The following TBC1D7 variants were observed in gnomAD, a reference collection of about 807,000 sequenced individuals.
The protein encoded by TBC1D7 is TBC1 domain family member 7.
Under a neutral mutation model 35.3 loss-of-function variants are expected in TBC1D7, and 33 were observed. The observed-to-expected ratio is 0.93, with a 90% CI of 0.71 to 1.25. The LOEUF is 1.25. Among genes scored for constraint, TBC1D7 ranks in the 50% most tolerant of loss-of-function variants. The probability of loss-of-function intolerance (pLI) is 0.00; values close to 1 mark genes in which losing one functional copy is unlikely to be tolerated. For synonymous variants in TBC1D7, 135 were observed against 129.5 expected, an observed-to-expected ratio of 1.04 and a Z score of -0.29; for missense variants, 362 against 365.3, an observed-to-expected ratio of 0.99 and a Z score of 0.07.
In TBC1D7 at chr6:13,316,730, T is replaced by C. The variant is rs757496431; in HGVS notation, c.382-22A>G. ...GCTCCTGAAAGATTAATAATAAATC[T>C]CAAGAGGAAGGCAGTGAAAGAGAGG... On this transcript the variant is annotated intron_variant, in intron 4 of 7. Transcript: ENST00000379300. 38 of 1,611,706 alleles carry C rather than the reference T, an allele frequency of 2.4e-5. No homozygotes were observed. In the South Asian group the frequency reaches 2.8e-4, roughly 12 times the overall value.
chr6:13,324,122 GTTTGTTT>G (rs1322402446), intron 3 of TBC1D7, among the ~76,000 whole-genome samples: 5 of 146,768 alleles, frequency 3.4e-5, no homozygotes, highest in Non-Finnish European at 6.1e-5. Flanking sequence ...GTTTTTTTTT[GTTTGTTT>G]TTTGTTTTTT....
chr6:13,308,441 TG>T (rs1782962046), intron 5 of TBC1D7, among the ~76,000 whole-genome samples: 1 of 123,286 alleles, frequency 8.1e-6, no homozygotes, highest in Admixed American at 9.1e-5. Flanking sequence ...GGATTCCACT[TG>T]GTAGCCTCTC....
chr6:13,308,324 C>T (rs376361470), intron 5 of TBC1D7, among the ~76,000 whole-genome samples: 1 of 152,330 alleles, frequency 6.6e-6, no homozygotes, highest in Admixed American at 6.5e-5. Flanking sequence ...CAGTGCCAAG[C>T]AGGCTCACAC....
chr6:13,307,399 G>A (rs946424150), intron 6 of TBC1D7: 5 of 545,912 alleles, frequency 9.2e-6, no homozygotes, highest in Middle Eastern at 4.9e-4. Context: ...AGCATCTAAC[G>A]CACTGAGGGC....
At chr6:13,325,260 A>C in intron 2 of TBC1D7, 86 bp from the exon 3 acceptor site, 1 of 962,236 alleles carries the variant, frequency 1.0e-6, no homozygotes, top group East Asian at 2.5e-5. Flanking sequence ...AAACTCAAAG[A>C]ATAGTTAAGA....
chr6:13,305,269 C>A, intron 7 of TBC1D7, 82 bp from the exon 8 acceptor site: 1 of 1,319,122 alleles, frequency 7.6e-7, no homozygotes, highest in South Asian at 1.2e-5. Context: ...GGCATGAAAT[C>A]CACTTCCATG....
intron 3 of TBC1D7, among the ~76,000 whole-genome samples, chr6:13,321,365 G>A (rs1367065167): frequency 1.3e-5 from 2 of 152,192 alleles, no homozygotes; most frequent in Non-Finnish European, 2.9e-5. Flanking sequence ...TAAGTATGCC[G>A]CATACATTCA....
At chr6:13,327,187 C>G (rs925552247) in intron 1 of TBC1D7, among the ~76,000 whole-genome samples, 1 of 152,088 alleles carries the variant, frequency 6.6e-6, no homozygotes, top group Admixed American at 6.6e-5. Flanking sequence ...CCCACTATAC[C>G]TATGAGTGCC....
chr6:13,325,932 A>C (rs886106390), intron 2 of TBC1D7, among the ~76,000 whole-genome samples: 6 of 152,206 alleles, frequency 3.9e-5, no homozygotes, highest in African/African-American at 1.2e-4. Context: ...GACTTCCCTG[A>C]CCCTCAATTC....
In TBC1D7 at chr6:13,325,169, C is replaced by G; in HGVS notation, c.118G>C (p.Glu40Gln). 6.2e-7 allele frequency: 1 copy of G among 1,612,030 alleles called. No homozygotes were observed. Among genetic ancestry groups the G allele is most frequent in the Non-Finnish European group, 8.5e-7 (1 of 1,178,294 alleles). ...ILLKDDRLDT[E>Q]KLCTFSQRFP... Reference sequence around the variant, plus strand: ...CTCTGACTAAAAGTACAAAGTTTCTCAGTATCTAGAGGAAGAAGAAAACAA... The same window carrying G: ...CTCTGACTAAAAGTACAAAGTTTCTGAGTATCTAGAGGAAGAAGAAAACAA... The change falls in exon 3 of 8, where the codon GAG becomes CAG. Residue 40 changes from glutamate (E) to glutamine (Q), a missense_variant. Transcript: ENST00000379300.
In TBC1D7 at chr6:13,305,097, G is replaced by A. The variant is rs771233051; in HGVS notation, c.*4C>T. ...GGCAGACGGTCCACAACCAGCGGGT[G>A]CGTTCAGCTTGAATGGACCGGGGTC... is the stretch of plus-strand genomic sequence containing the variant. On this transcript the variant is annotated 3_prime_UTR_variant, in exon 8 of 8. Transcript: ENST00000379300. 6.2e-6 allele frequency: 10 copies of A among 1,607,202 alleles called. No individual in the cohort carries two copies. The highest frequency in any genetic ancestry group is 8.5e-6 in the Non-Finnish European group (10 of 1,176,136).
In TBC1D7 at chr6:13,307,599, C is replaced by A; in HGVS notation, c.665+1G>T. 2.5e-6 allele frequency: 4 copies of A among 1,614,046 alleles called. No homozygotes were observed. The highest frequency in any genetic ancestry group is 3.4e-6 in the Non-Finnish European group (4 of 1,179,972). ...AATATGTCTTCGAAAGACCTACTTG[C>A]CTCTGTAAACTGGATTCAGGCAAAC... is the stretch of plus-strand genomic sequence containing the variant. On this transcript the variant is annotated splice_donor_variant, in intron 6 of 7. Coordinates refer to ENST00000379300, the MANE Select transcript of TBC1D7 (RefSeq NM_016495.6). LOFTEE classifies it high-confidence loss of function.
At chr6:13,319,437 T>A in intron 4 of TBC1D7, 1 of 128,254 alleles carries the variant, frequency 7.8e-6, no homozygotes, top group African/African-American at 3.0e-5. Flanking sequence ...TCCAGCCTGG[T>A]CAAAAAGAGA....
Position 13,305,077 on chromosome 6 carries a change from A to G in TBC1D7, c.*24T>C, listed in dbSNP as rs1396914422. The G allele has an allele frequency of 6.3e-7, 1 of 1,575,792 alleles. No homozygotes were observed. Among genetic ancestry groups the G allele is most frequent in the Non-Finnish European group, 8.6e-7 (1 of 1,157,094 alleles). ...CAATGCTCACTGTGGTGCCTGGCAG[A>G]CGGTCCACAACCAGCGGGTGCGTTC... On this transcript the variant is annotated 3_prime_UTR_variant, in exon 8 of 8. Coordinates refer to ENST00000379300, the MANE Select transcript of TBC1D7 (RefSeq NM_016495.6).
intron 2 of TBC1D7, 92 bp downstream of exon 2, chr6:13,326,695 C>A: frequency 1.4e-6 from 1 of 702,506 alleles, no homozygotes. Context: ...CAGCAAGTAA[C>A]CAATGCTTCT....
Position 13,311,526 on chromosome 6 carries a change from G to A in TBC1D7, c.520-3781C>T, listed in dbSNP as rs1417340777. Among the ~76,000 whole-genome samples the A allele has an allele frequency of 2.6e-5, 4 of 152,222 alleles. No homozygotes were observed. In the East Asian group the frequency reaches 7.7e-4, roughly 29 times the overall value. On this transcript the variant is annotated intron_variant, in intron 5 of 7. Coordinates refer to ENST00000379300, the MANE Select transcript of TBC1D7 (RefSeq NM_016495.6). ...AGATAGACTAAAGATGGTTTCACTA[G>A]AGAGAAAAGTTTAAGCAAATCACTT... is the stretch of plus-strand genomic sequence containing the variant.
chr6:13,327,573 CAAAT>C (rs1784481484), intron 1 of TBC1D7: 1 of 152,166 alleles, frequency 6.6e-6, no homozygotes, highest in Non-Finnish European at 1.5e-5. Flanking sequence ...AAACCCACAA[CAAAT>C]AAATCGCATT....
Position 13,314,638 on chromosome 6 carries a change from T to A in TBC1D7, c.519+1933A>T, listed in dbSNP as rs147987110. On this transcript the variant is annotated intron_variant, in intron 5 of 7. Coordinates refer to ENST00000379300, the MANE Select transcript of TBC1D7 (RefSeq NM_016495.6). ...GGATCAAATTTCAAAATCTTAAAAA[T>A]CAAATTTTACTTAGTTGAAATATAT... Among the ~76,000 whole-genome samples, 27 of 152,318 alleles carry A rather than the reference T, an allele frequency of 1.8e-4. No individual in the cohort carries two copies. In the East Asian group the frequency reaches 5.0e-3, roughly 28 times the overall value.
chr6:13,327,886 C>T (rs988115168), intron 1 of TBC1D7: 1 of 152,156 alleles, frequency 6.6e-6, no homozygotes, highest in Non-Finnish European at 1.5e-5. Flanking sequence ...GTTTAAAAAC[C>T]CTGCGACGTC....
Sources: allele counts gnomAD v4.1 joint callset (sites outside exome capture counted in the v4.1 genomes callset), GRCh38; gene constraint gnomAD v4.1.1; transcripts MANE v1.5; gene names NCBI Gene and HGNC (gene_info 2026-07-23, HGNC 2026-07-21).